DOCK1: variants seen among roughly 807,000 people sequenced by gnomAD.
DOCK1 encodes dedicator of cytokinesis protein 1.
A neutral mutation model predicts 262.7 loss-of-function variants in DOCK1; 138 were observed. That is an observed-to-expected ratio of 0.53 (90% confidence interval 0.46 to 0.61). The LOEUF is 0.61. Ranked by LOEUF, DOCK1 falls within the 20% of genes least tolerant of loss-of-function variation. DOCK1 has a pLI of 0.00. For missense variants in DOCK1, 1,908 were observed against 2,370.7 expected (o/e 0.80, Z 4.05); for synonymous variants, 866 against 867.4 (o/e 1.00, Z 0.03).
chr10:127,234,641 A>C (rs1281245128), intron 27 of DOCK1, among the ~76,000 whole-genome samples: 1 of 152,150 alleles, frequency 6.6e-6, no homozygotes, highest in Non-Finnish European at 1.5e-5. Flanking sequence ...TTCAGACTCA[A>C]TAATGTGTTT....
At chr10:127,449,507 T>C (rs949904945) in intron 51 of DOCK1, among the ~76,000 whole-genome samples, 2 of 152,234 alleles carry the variant, frequency 1.3e-5, no homozygotes, top group Admixed American at 6.5e-5. Context: ...AGGGATAACA[T>C]GGATTAGCTC....
At chr10:127,173,599 C>T (rs912684957) in intron 27 of DOCK1, among the ~76,000 whole-genome samples, 3 of 152,174 alleles carry the variant, frequency 2.0e-5, no homozygotes, top group African/African-American at 7.2e-5. Context: ...CTTTATTTCA[C>T]CAAAGATGTT....
intron 29 of DOCK1, among the ~76,000 whole-genome samples, chr10:127,285,778 G>A (rs1264912354): frequency 6.6e-6 from 1 of 152,226 alleles, no homozygotes; most frequent in Non-Finnish European, 1.5e-5. Context: ...TCTTCAGAGT[G>A]TGCTTCCACA....
chr10:127,446,704 GAAAAC>G lies in DOCK1; in HGVS notation c.5414-686_5414-682del, dbSNP rs1283107492. On this transcript the variant is annotated intron_variant, in intron 50 of 51. Transcript: ENST00000623213. The surrounding 1 kb of genome is among the most constrained non-coding windows in gnomAD (Gnocchi z 4.4). ...CCATTTTTCTCTCTTTAATATAAAAGAAAACAAATTATCTTTAAGAGTCTCAACAA... is the reference window on the plus strand; with the variant it reads ...CCATTTTTCTCTCTTTAATATAAAAGAAATTATCTTTAAGAGTCTCAACAA... Among the ~76,000 whole-genome samples the G allele has an allele frequency of 6.6e-6, 1 of 152,098 alleles. No individual in the cohort carries two copies. The highest frequency in any genetic ancestry group is 1.5e-5 in the Non-Finnish European group (1 of 67,998).
At chr10:127,338,157 G>A (rs1317608097) in intron 29 of DOCK1, among the ~76,000 whole-genome samples, 1 of 152,176 alleles carries the variant, frequency 6.6e-6, no homozygotes, top group Non-Finnish European at 1.5e-5. Flanking sequence ...TTTATCATCT[G>A]TGACCTAATA....
intron 28 of DOCK1, among the ~76,000 whole-genome samples, chr10:127,253,699 C>G (rs934276233): frequency 6.6e-6 from 1 of 151,836 alleles, no homozygotes; most frequent in Non-Finnish European, 1.5e-5. Flanking sequence ...CATAGTGAGA[C>G]CCCATTTCTA....
intron 23 of DOCK1, among the ~76,000 whole-genome samples, chr10:127,084,445 T>C (rs1591959714): frequency 6.6e-6 from 1 of 152,242 alleles, no homozygotes; most frequent in South Asian, 2.1e-4. Context: ...GTCCTCAGGG[T>C]GTCTGAGCGC....
At chr10:127,430,448 A>G (rs553945097) in intron 47 of DOCK1, among the ~76,000 whole-genome samples, 2 of 152,300 alleles carry the variant, frequency 1.3e-5, no homozygotes, top group Admixed American at 1.3e-4. Context: ...GCAGTGTGGC[A>G]TGGCCTACAA....
chr10:126,951,078 T>G (rs1414687052), intron 1 of DOCK1, among the ~76,000 whole-genome samples: 1 of 151,820 alleles, frequency 6.6e-6, no homozygotes, highest in Non-Finnish European at 1.5e-5. Context: ...TTTTTGGTAG[T>G]GTTTTTAGTA....
intron 33 of DOCK1, among the ~76,000 whole-genome samples, chr10:127,366,924 C>G (rs1256752387): frequency 6.6e-6 from 1 of 152,160 alleles, no homozygotes; most frequent in Non-Finnish European, 1.5e-5. Flanking sequence ...GTTTTTACAA[C>G]ACTTTAGTGT....
chr10:126,922,387 G>C (rs970815772), intron 1 of DOCK1, among the ~76,000 whole-genome samples: 1 of 152,034 alleles, frequency 6.6e-6, no homozygotes. Context: ...AGCAAGAGAG[G>C]GGAGGAGCTG....
intron 47 of DOCK1, among the ~76,000 whole-genome samples, chr10:127,432,745 C>T (rs563289549): frequency 1.0e-3 from 156 of 152,282 alleles, no homozygotes; most frequent in African/African-American, 3.7e-3. Flanking sequence ...TTAGCAACTT[C>T]AGCAGCGGTT....
intron 25 of DOCK1, among the ~76,000 whole-genome samples, chr10:127,118,033 G>A (rs1035833813): frequency 6.6e-6 from 1 of 152,128 alleles, no homozygotes; most frequent in South Asian, 2.1e-4. Flanking sequence ...GTATTTTATT[G>A]TCAGAGCAAC....
intron 4 of DOCK1, among the ~76,000 whole-genome samples, chr10:126,984,884 G>C (rs1278879402): frequency 6.6e-6 from 1 of 151,520 alleles, no homozygotes; most frequent in East Asian, 1.9e-4. Flanking sequence ...CTTGGTGTAG[G>C]ATAGGAGGCC....
At chr10:127,255,976 C>G (rs748970862) in intron 28 of DOCK1, among the ~76,000 whole-genome samples, 2 of 152,212 alleles carry the variant, frequency 1.3e-5, no homozygotes, top group South Asian at 4.1e-4. Context: ...GAAGGGAGGA[C>G]TGGGATGCTC....
At chr10:127,421,020 G>T (rs943240719) in intron 46 of DOCK1, among the ~76,000 whole-genome samples, 7 of 151,824 alleles carry the variant, frequency 4.6e-5, no homozygotes, top group Non-Finnish European at 1.5e-5. Context: ...GGGTTCAAGT[G>T]ATTCTCCTGC....
intron 1 of DOCK1, among the ~76,000 whole-genome samples, chr10:126,912,586 C>T (rs1403865568): frequency 2.8e-5 from 4 of 143,370 alleles, no homozygotes; most frequent in African/African-American, 5.3e-5. Context: ...ACTAGCCGGG[C>T]GTGGTGGCGG....
chr10:126,980,070 C>T (rs184422505), intron 3 of DOCK1, among the ~76,000 whole-genome samples: 473 of 152,274 alleles, frequency 3.1e-3, no homozygotes, highest in Admixed American at 6.5e-3. Flanking sequence ...GGGTGGACAC[C>T]TATTGCTATC....
intron 44 of DOCK1, 39 bp from the exon 45 acceptor site, chr10:127,418,326 G>A: frequency 6.4e-7 from 1 of 1,552,934 alleles, no homozygotes. Context: ...AGTGGAGGCA[G>A]CTGTGGGGCT....
Sources: allele counts gnomAD v4.1 joint callset (sites outside exome capture counted in the v4.1 genomes callset), GRCh38; gene constraint gnomAD v4.1.1; non-coding constraint Gnocchi (gnomAD v3.1); transcripts MANE v1.5; gene names NCBI Gene and HGNC (gene_info 2026-07-23, HGNC 2026-07-21).